Variants in RALYL observed in about 807,000 individuals in gnomAD.
RALYL encodes RNA-binding Raly-like protein.
Under a neutral mutation model 35.1 loss-of-function variants are expected in RALYL, and 29 were observed. The ratio of observed to expected loss-of-function variants is 0.83; its 90% CI spans 0.61 to 1.13. RALYL has a LOEUF of 1.13. Among genes scored for constraint, RALYL ranks in the 50% most tolerant of loss-of-function variants. The pLI, the probability that RALYL is intolerant of heterozygous loss-of-function variation, is 0.00. For missense variants in RALYL, 359 were observed against 360.4 expected (o/e 1.00, Z 0.03); for synonymous variants, 120 against 127.6 (o/e 0.94, Z 0.40).
chr8:84,864,588 T>C (rs772808883), intron 6 of RALYL: 5 of 230,242 alleles, frequency 2.2e-5, no homozygotes, highest in Non-Finnish European at 4.3e-5. Context: ...TTAAAAGATT[T>C]ATCCTAAGGA....
intron 1 of RALYL, among the ~76,000 whole-genome samples, chr8:84,365,143 T>C (rs1853954574): frequency 1.3e-5 from 2 of 152,150 alleles, no homozygotes. Flanking sequence ...TTGGACTATT[T>C]ACCTGGTTTT....
intron 2 of RALYL, among the ~76,000 whole-genome samples, chr8:84,678,546 C>T (rs1834700229): frequency 6.6e-6 from 1 of 152,098 alleles, no homozygotes; most frequent in African/African-American, 2.4e-5. Context: ...GGATTACAGG[C>T]GTGAGCCACT....
At chr8:84,294,738 T>C (rs539363328) in intron 1 of RALYL, among the ~76,000 whole-genome samples, 5 of 151,588 alleles carry the variant, frequency 3.3e-5, no homozygotes, top group South Asian at 4.2e-4. Flanking sequence ...GACTCAAAGG[T>C]AGACAGAGAA....
At chr8:84,639,784 T>C (rs928247394) in intron 2 of RALYL, among the ~76,000 whole-genome samples, 1 of 151,932 alleles carries the variant, frequency 6.6e-6, no homozygotes, top group South Asian at 2.1e-4. Context: ...GCCAATTAAA[T>C]GCTCTAAGCA....
chr8:84,881,555 C>T (rs1003073373), intron 7 of RALYL, among the ~76,000 whole-genome samples: 2 of 151,888 alleles, frequency 1.3e-5, no homozygotes, highest in African/African-American at 4.8e-5. Context: ...ACACTTTGAA[C>T]ATAAATCCCA....
At chr8:84,571,349 G>T (rs1346115875) in intron 2 of RALYL, among the ~76,000 whole-genome samples, 3 of 151,726 alleles carry the variant, frequency 2.0e-5, no homozygotes, top group African/African-American at 7.2e-5. Context: ...TTGGCTGGTT[G>T]TAAGTTTTTA....
At position 84,535,753 on chromosome 8, in the gene RALYL, G is replaced by A. The variant is rs1248784684; in HGVS notation, c.256+6176G>A. On this transcript the variant is annotated intron_variant, in intron 2 of 8. Coordinates refer to ENST00000521268, the MANE Select transcript of RALYL (RefSeq NM_173848.7). ...CCTCCCAAAGTGCTGGATTACAGGC[G>A]TGAGCCACCGCGCCCGGCCGCATCC... Among the ~76,000 whole-genome samples the A allele has an allele frequency of 2.6e-5, 4 of 151,882 alleles. No homozygotes were observed. In the East Asian group the frequency reaches 5.8e-4, roughly 22 times the overall value.
intron 5 of RALYL, among the ~76,000 whole-genome samples, chr8:84,858,381 A>G (rs889341490): frequency 2.0e-5 from 3 of 152,196 alleles, no homozygotes; most frequent in Admixed American, 6.5e-5. Flanking sequence ...ATTATAAACC[A>G]TTATCTATTT....
chr8:84,654,932 T>C (rs560221228), intron 2 of RALYL, among the ~76,000 whole-genome samples: 2 of 152,266 alleles, frequency 1.3e-5, no homozygotes, highest in East Asian at 3.9e-4. Context: ...TTTCCTTTCT[T>C]TTTGGGTATA....
At chr8:84,252,540 C>T (rs1165733537) in intron 1 of RALYL, among the ~76,000 whole-genome samples, 3 of 152,076 alleles carry the variant, frequency 2.0e-5, no homozygotes, top group Non-Finnish European at 2.9e-5. Context: ...CATTCATATT[C>T]AACTATGTAT....
intron 2 of RALYL, among the ~76,000 whole-genome samples, chr8:84,630,472 T>C (rs1474874398): frequency 6.6e-6 from 1 of 151,996 alleles, no homozygotes; most frequent in East Asian, 1.9e-4. Context: ...TTGCTTAGAA[T>C]ATGCATAGTT....
chr8:84,215,434 A>C (rs892267770), intron 1 of RALYL, among the ~76,000 whole-genome samples: 1 of 152,032 alleles, frequency 6.6e-6, no homozygotes, highest in Non-Finnish European at 1.5e-5. Flanking sequence ...AAAAATTCTT[A>C]TATTTAAAAG....
At chr8:84,873,019 C>A (rs1315610933) in intron 6 of RALYL, 5 of 299,282 alleles carry the variant, frequency 1.7e-5, no homozygotes, top group Non-Finnish European at 3.1e-5. Context: ...AAAAATATTT[C>A]TTAATTCCGT....
chr8:84,336,102 A>G (rs1847752307), intron 1 of RALYL, among the ~76,000 whole-genome samples: 4 of 152,244 alleles, frequency 2.6e-5, no homozygotes, highest in South Asian at 2.1e-4. Flanking sequence ...TTGGGGATTG[A>G]TTACAATCTC....
chr8:84,396,310 G>A (rs996463809), intron 1 of RALYL, among the ~76,000 whole-genome samples: 4 of 151,988 alleles, frequency 2.6e-5, no homozygotes, highest in African/African-American at 9.7e-5. Context: ...GCATATATTT[G>A]AAATGAAGCT....
intron 1 of RALYL, among the ~76,000 whole-genome samples, chr8:84,214,544 G>A (rs1451330292): frequency 6.6e-6 from 1 of 151,908 alleles, no homozygotes; most frequent in Non-Finnish European, 1.5e-5. Context: ...TGCCCTTTTA[G>A]TTATATGTTA....
intron 1 of RALYL, chr8:84,346,058 G>A: frequency 2.0e-6 from 2 of 981,126 alleles, no homozygotes; most frequent in Non-Finnish European, 2.4e-6. Context: ...AATGAAATGG[G>A]TTGCTTGGTT....
intron 1 of RALYL, among the ~76,000 whole-genome samples, chr8:84,436,988 A>G (rs1388391114): frequency 6.6e-6 from 1 of 152,134 alleles, no homozygotes. Context: ...AGAAGATAGC[A>G]TAGTACCCAA....
intron 1 of RALYL, among the ~76,000 whole-genome samples, chr8:84,363,845 G>A (rs1853620120): frequency 6.6e-6 from 1 of 152,156 alleles, no homozygotes. Context: ...TGCTGCTGAA[G>A]AATCATAGCA....
Sources: gnomAD v4.1 joint callset for allele counts (sites outside exome capture counted in the v4.1 genomes callset) on GRCh38, gnomAD v4.1.1 for gene constraint, MANE v1.5 for transcripts, NCBI Gene and HGNC (gene_info 2026-07-23, HGNC 2026-07-21) for gene names.